The following MED27 variants were observed in gnomAD, a reference collection of about 807,000 sequenced individuals.
MED27 encodes mediator of RNA polymerase II transcription subunit 27.
MED27 carries 30 observed loss-of-function variants against 38.2 expected under a neutral mutation model. The ratio of observed to expected loss-of-function variants is 0.79; its 90% CI spans 0.59 to 1.07. MED27 has a LOEUF of 1.07. Ranked by LOEUF, MED27 falls within the 50% of genes least tolerant of loss-of-function variation. MED27 has a pLI of 0.00. For missense variants in MED27, 289 were observed against 397.5 expected, an observed-to-expected ratio of 0.73 and a Z score of 2.32; for synonymous variants, 122 against 153.5, an observed-to-expected ratio of 0.79 and a Z score of 1.52.
At chr9:131,951,954 G>C (rs1258895471) in intron 3 of MED27, among the ~76,000 whole-genome samples, 1 of 152,214 alleles carries the variant, frequency 6.6e-6, no homozygotes, top group Non-Finnish European at 1.5e-5. Context: ...AGGCCAACGA[G>C]AGAGTGGACA....
At chr9:132,037,042 A>C (rs1184868865) in intron 2 of MED27, among the ~76,000 whole-genome samples, 3 of 152,198 alleles carry the variant, frequency 2.0e-5, no homozygotes, top group African/African-American at 7.2e-5. Flanking sequence ...TGGCATGTTA[A>C]AGAAAATGAA....
At chr9:132,029,406 GCTTT>G in intron 2 of MED27, among the ~76,000 whole-genome samples, 1 of 152,256 alleles carries the variant, frequency 6.6e-6, no homozygotes, top group Non-Finnish European at 1.5e-5. Flanking sequence ...CATATAATTT[GCTTT>G]CTTTGCCTTT....
rs10657924 is a variant in MED27, at chr9:131,869,391, C to CAAA, written c.724-6254_724-6252dup. On this transcript the variant is annotated intron_variant, in intron 6 of 7. Transcript: ENST00000292035. The stretch of plus-strand genomic sequence containing the variant: ...AGACTTGGAAAAAACAGGCCTGGGG[C>CAAA]AAAAAAAAAAAAAAAATCTGCTATT... The CAAA allele has an allele frequency of 3.7e-4, 346 of 930,038 alleles. No individual in the cohort carries two copies. The African/African-American group carries it at 4.2e-3, about 11-fold the overall frequency. 57.6% of individuals were successfully genotyped at this position (930,038 alleles called of 1,614,324 possible).
intron 2 of MED27, among the ~76,000 whole-genome samples, chr9:132,037,704 T>C (rs1369000201): frequency 6.6e-6 from 1 of 152,022 alleles, no homozygotes; most frequent in African/African-American, 2.4e-5. Flanking sequence ...TGATGGGAAA[T>C]GACAATGGCA....
rs201001566 is a variant in MED27 at position 131,946,148 on chromosome 9, C to T, written c.480-6674G>A. 2.6e-5 allele frequency among the ~76,000 whole-genome samples: 4 copies of T among 152,044 alleles called. No individual in the cohort carries two copies. The East Asian group carries it at 7.7e-4, about 29-fold the overall frequency. Reference sequence around the variant, plus strand: ...ACCACATTTTCTCTACTCATTCATCCACTAATAGACAGTTAAGTTGATTCC... The same window carrying T: ...ACCACATTTTCTCTACTCATTCATCTACTAATAGACAGTTAAGTTGATTCC... On this transcript the variant is annotated intron_variant, in intron 3 of 7. Transcript: ENST00000292035.
intron 2 of MED27, among the ~76,000 whole-genome samples, chr9:132,062,195 T>C (rs1168315368): frequency 6.6e-6 from 1 of 152,264 alleles, no homozygotes. Context: ...TTTCTTCTGA[T>C]GGACTTGCTA....
intron 6 of MED27, among the ~76,000 whole-genome samples, chr9:131,864,399 T>C (rs1838701591): frequency 6.6e-6 from 1 of 152,092 alleles, no homozygotes; most frequent in African/African-American, 2.4e-5. Context: ...GGGAGGATCA[T>C]CCGAGCCTGG....
At chr9:132,056,894 C>T (rs772677754) in intron 2 of MED27, among the ~76,000 whole-genome samples, 7 of 152,208 alleles carry the variant, frequency 4.6e-5, no homozygotes, top group Non-Finnish European at 7.3e-5. Context: ...GGCTGACCGA[C>T]GCTGAGGTAA....
intron 2 of MED27, among the ~76,000 whole-genome samples, chr9:132,042,112 C>T (rs1416824095): frequency 1.3e-5 from 2 of 152,168 alleles, no homozygotes; most frequent in African/African-American, 2.4e-5. Context: ...GAAGCACAGA[C>T]GCTGCCAGTC....
At chr9:132,043,089 A>ATT (rs1833255142) in intron 2 of MED27, among the ~76,000 whole-genome samples, 1 of 152,198 alleles carries the variant, frequency 6.6e-6, no homozygotes, top group African/African-American at 2.4e-5. Flanking sequence ...CTTCAGAAAA[A>ATT]ATCTATATAG....
chr9:131,926,673 C>T (rs908632640), intron 4 of MED27, among the ~76,000 whole-genome samples: 13 of 152,214 alleles, frequency 8.5e-5, no homozygotes, highest in African/African-American at 3.1e-4. Flanking sequence ...AGCAGTCTAG[C>T]AATTCAACAG....
chr9:132,073,459 T>G, intron 2 of MED27: 2 of 1,142,664 alleles, frequency 1.8e-6, no homozygotes, highest in Non-Finnish European at 2.1e-6. Flanking sequence ...AGGAACAAGA[T>G]GGACATGGTG....
At chr9:132,034,630 C>A (rs551221441) in intron 2 of MED27, among the ~76,000 whole-genome samples, 48 of 152,252 alleles carry the variant, frequency 3.2e-4, no homozygotes, top group African/African-American at 1.2e-3. Context: ...TGACACGGTA[C>A]CAGAAAGCCA....
chr9:131,944,530 C>CTT (rs35269307), intron 3 of MED27, among the ~76,000 whole-genome samples: 54 of 141,106 alleles, frequency 3.8e-4, no homozygotes, highest in African/African-American at 1.1e-3. Flanking sequence ...GGTTTTTAGT[C>CTT]TTTTTTTTTT....
intron 4 of MED27, among the ~76,000 whole-genome samples, chr9:131,922,143 C>T (rs1830403978): frequency 6.6e-6 from 1 of 150,946 alleles, no homozygotes; most frequent in African/African-American, 2.4e-5. Context: ...GCACATTGTG[C>T]ACATGTACCC....
chr9:132,077,719 G>T, intron 1 of MED27, 133 bp from the exon 2 acceptor site: 1 of 845,606 alleles, frequency 1.2e-6, no homozygotes, highest in Non-Finnish European at 1.7e-6. Flanking sequence ...TTTTTGAAAG[G>T]TTAAAAAATA....
At chr9:131,893,306 C>A (rs1839258849) in intron 5 of MED27, among the ~76,000 whole-genome samples, 1 of 152,144 alleles carries the variant, frequency 6.6e-6, no homozygotes, top group South Asian at 2.1e-4. Context: ...TCCTCTGATG[C>A]TCTCTGTGGA....
intron 2 of MED27, among the ~76,000 whole-genome samples, chr9:132,014,674 T>TC: frequency 6.6e-6 from 1 of 152,158 alleles, no homozygotes; most frequent in Non-Finnish European, 1.5e-5. Flanking sequence ...ACAAGACTGT[T>TC]CATCACAGCA....
chr9:132,070,473 C>CTT (rs1434436753), intron 2 of MED27, among the ~76,000 whole-genome samples: 1 of 152,156 alleles, frequency 6.6e-6, no homozygotes, highest in African/African-American at 2.4e-5. Context: ...AGGAAGACCT[C>CTT]TTGAGCCCAT....
Sources: gnomAD v4.1 joint callset for allele counts (sites outside exome capture counted in the v4.1 genomes callset) on GRCh38, gnomAD v4.1.1 for gene constraint, MANE v1.5 for transcripts, NCBI Gene and HGNC (gene_info 2026-07-23, HGNC 2026-07-21) for gene names.